ACSL1: variants seen among roughly 807,000 people sequenced by gnomAD.
The protein encoded by ACSL1 is long-chain-fatty-acid--CoA ligase 1.
Under a neutral mutation model 98.4 loss-of-function variants are expected in ACSL1, and 41 were observed. The ratio of observed to expected loss-of-function variants is 0.42; its 90% CI spans 0.32 to 0.54. The LOEUF is 0.54. Ranked by LOEUF, ACSL1 falls within the 20% of genes least tolerant of loss-of-function variation. The probability of loss-of-function intolerance (pLI) is 0.13; values close to 1 mark genes in which losing one functional copy is unlikely to be tolerated. For missense variants in ACSL1, 734 were observed against 883.1 expected (o/e 0.83, Z 2.14); for synonymous variants, 316 against 322.7 (o/e 0.98, Z 0.22).
intron 5 of ACSL1, among the ~76,000 whole-genome samples, chr4:184,779,699 C>T (rs1296671293): frequency 6.6e-6 from 1 of 152,112 alleles, no homozygotes; most frequent in Non-Finnish European, 1.5e-5. Context: ...CTTATTAATG[C>T]CATTTTTCTA....
intron 1 of ACSL1, among the ~76,000 whole-genome samples, chr4:184,811,126 T>C (rs1772022934): frequency 6.6e-6 from 1 of 152,128 alleles, no homozygotes; most frequent in African/African-American, 2.4e-5. Flanking sequence ...TTTTGTTTTT[T>C]GAGACAGAGT....
chr4:184,763,242 G>T lies in ACSL1; in HGVS notation c.1446C>A (p.Ala482=), dbSNP rs759613911. The T allele has an allele frequency of 6.2e-7, 1 of 1,613,960 alleles. No homozygotes were observed. Among genetic ancestry groups the T allele is most frequent in the Admixed American group, 1.7e-5 (1 of 59,984 alleles). The change falls in exon 16 of 21, where the codon GCC becomes GCA. Residue 482 remains alanine, a synonymous_variant. Coordinates refer to ENST00000281455, the MANE Select transcript of ACSL1 (RefSeq NM_001995.5). ...GTTTTATCAAATTGCACGGCATCGG[G>T]GCCCCAACATGGCCTGTATATTAAA... ...PGDWTAGHVG[A]PMPCNLIKLV...
At chr4:184,794,646 G>T (rs1432285595) in intron 2 of ACSL1, among the ~76,000 whole-genome samples, 1 of 152,226 alleles carries the variant, frequency 6.6e-6, no homozygotes, top group Non-Finnish European at 1.5e-5. Context: ...TCAGTCCCAT[G>T]TCCACCACAT....
At chr4:184,812,518 A>G (rs1280211100) in intron 1 of ACSL1, among the ~76,000 whole-genome samples, 1 of 152,124 alleles carries the variant, frequency 6.6e-6, no homozygotes, top group Non-Finnish European at 1.5e-5. Context: ...TGACTGGGGG[A>G]AAAAGAAAAG....
At position 184,755,790 on chromosome 4, in the gene ACSL1, A is replaced by G. The variant is rs1463160995; in HGVS notation, c.*1335T>C. The G allele has an allele frequency of 2.6e-5, 4 of 152,668 alleles. No individual in the cohort carries two copies. Among genetic ancestry groups the G allele is most frequent in the African/African-American group, 9.6e-5 (4 of 41,470 alleles). The allele number at this position is 152,668 out of a possible 1,614,324, so 9.5% of individuals were successfully genotyped here. On this transcript the variant is annotated 3_prime_UTR_variant, in exon 21 of 21. Transcript: ENST00000281455. ...ACCAAGTAGTGTTATTACAATGACA[A>G]TTCTTTAGTGCAAGCCCTGTTGTGC... is the stretch of plus-strand genomic sequence containing the variant.
At position 184,762,422 on chromosome 4, in the gene ACSL1, A is replaced by G; in HGVS notation, c.1623T>C (p.Ile541=). The change falls in exon 17 of 21, where the codon ATT becomes ATC. Residue 541 remains isoleucine (I), a synonymous_variant. Transcript: ENST00000281455. ...GGCAACTTACTGGTAACCATTTTCC[A>G]ATGTCCCCTGTGTGTAACCAGCCGT... is the stretch of plus-strand genomic sequence containing the variant. ...DKDGWLHTGD[I]GKWLPNGTLK... The G allele has an allele frequency of 6.2e-7, 1 of 1,614,176 alleles. No individual in the cohort carries two copies. Among genetic ancestry groups the G allele is most frequent in the South Asian group, 1.1e-5 (1 of 91,086 alleles).
At chr4:184,786,546 A>G (rs1212654182) in intron 3 of ACSL1, among the ~76,000 whole-genome samples, 2 of 152,058 alleles carry the variant, frequency 1.3e-5, no homozygotes, top group African/African-American at 2.4e-5. Flanking sequence ...AACTTTGAGA[A>G]TGTTCATAAA....
At chr4:184,804,666 T>A (rs1208952448) in intron 1 of ACSL1, among the ~76,000 whole-genome samples, 1 of 152,020 alleles carries the variant, frequency 6.6e-6, no homozygotes, top group Non-Finnish European at 1.5e-5. Context: ...TTGGGACATA[T>A]GACCTCCCTT....
Position 184,765,971 on chromosome 4 carries a change from T to C in ACSL1, c.1279A>G (p.Arg427Gly). 1 of 1,613,772 alleles carries C rather than the reference T, an allele frequency of 6.2e-7. No homozygotes were observed. Among genetic ancestry groups the C allele is most frequent in the Non-Finnish European group, 8.5e-7 (1 of 1,179,830 alleles). ...FHKVQSSLGG[R>G]VRLMVTGAAP... ...GCTCCTGTCACCATCAGCCGGACTC[T>C]TCCGCCCAGGCTCGACTTTCAGGGA... is the stretch of plus-strand genomic sequence containing the variant. Residue 427 changes from arginine to glycine, a missense_variant, in exon 14 of 21, where the codon AGA becomes GGA. Arg to Gly is a moderately radical substitution (Grantham distance 125). Coordinates refer to ENST00000281455, the MANE Select transcript of ACSL1 (RefSeq NM_001995.5).
chr4:184,789,327 A>G (rs551876499), intron 2 of ACSL1, among the ~76,000 whole-genome samples: 1 of 152,344 alleles, frequency 6.6e-6, no homozygotes, highest in Non-Finnish European at 1.5e-5. Context: ...ACACATTGAC[A>G]GTTCTCAAGC....
At chr4:184,805,361 C>T in intron 1 of ACSL1, 1 of 537,186 alleles carries the variant, frequency 1.9e-6, no homozygotes, top group Non-Finnish European at 2.4e-6. Flanking sequence ...CTCATTCAAT[C>T]TCTGCTACAA....
chr4:184,779,949 C>A (rs189995873), intron 5 of ACSL1, among the ~76,000 whole-genome samples: 1 of 151,670 alleles, frequency 6.6e-6, no homozygotes, highest in African/African-American at 2.4e-5. Flanking sequence ...CTTGGCTCAC[C>A]GCAACCTCTG....
chr4:184,808,222 G>T, intron 1 of ACSL1: 1 of 774,984 alleles, frequency 1.3e-6, no homozygotes, highest in South Asian at 5.9e-5. Flanking sequence ...TTCTCTTGAA[G>T]ATACACATAC....
intron 1 of ACSL1, among the ~76,000 whole-genome samples, chr4:184,814,659 A>G (rs932535505): frequency 3.9e-5 from 6 of 152,178 alleles, no homozygotes; most frequent in Admixed American, 3.3e-4. Flanking sequence ...GTTTCTCCAG[A>G]TAAAGAAGCT....
intron 1 of ACSL1, among the ~76,000 whole-genome samples, chr4:184,823,432 T>G (rs1199693318): frequency 6.6e-6 from 1 of 152,212 alleles, no homozygotes; most frequent in South Asian, 2.1e-4. Flanking sequence ...ACTTACACAA[T>G]AAATTCAATT....
chr4:184,819,037 G>A (rs890270303), intron 1 of ACSL1, among the ~76,000 whole-genome samples: 3 of 152,090 alleles, frequency 2.0e-5, no homozygotes, highest in Admixed American at 6.6e-5. Flanking sequence ...GGTGAGGAAG[G>A]GGAGAGTCAC....
chr4:184,776,750 C>T, intron 6 of ACSL1, 88 bp from the exon 7 acceptor site: 1 of 1,501,146 alleles, frequency 6.7e-7, no homozygotes, highest in Non-Finnish European at 9.0e-7. Flanking sequence ...ACTTGAAGTA[C>T]TACATTCTTT....
Position 184,803,645 on chromosome 4 carries a change from T to G in ACSL1, c.-32-99A>C, listed in dbSNP as rs1770924750. 2.7e-6 allele frequency: 2 copies of G among 745,194 alleles called. No individual in the cohort carries two copies. The highest frequency in any genetic ancestry group is 3.9e-6 in the Non-Finnish European group (2 of 518,020). 46.2% of individuals were successfully genotyped at this position (745,194 alleles called of 1,614,324 possible). On this transcript the variant is annotated intron_variant, in intron 1 of 20. Coordinates refer to ENST00000281455, the MANE Select transcript of ACSL1 (RefSeq NM_001995.5). The surrounding 1 kb of genome is among the most constrained non-coding windows in gnomAD (Gnocchi z 4.8). ...GCCAGCCATCTAATTGGGTAGCTGC[T>G]CGGCCAGTCCAGGCATTAAACCCAC...
chr4:184,821,649 G>A (rs901008594), intron 1 of ACSL1, among the ~76,000 whole-genome samples: 13 of 152,034 alleles, frequency 8.6e-5, no homozygotes, highest in African/African-American at 2.9e-4. Flanking sequence ...TTTTAAAGAC[G>A]TATTTAAACA....
Sources: gnomAD v4.1 joint callset for allele counts (sites outside exome capture counted in the v4.1 genomes callset) on GRCh38, gnomAD v4.1.1 for gene constraint, Gnocchi (gnomAD v3.1) non-coding constraint, MANE v1.5 for transcripts, NCBI Gene and HGNC (gene_info 2026-07-23, HGNC 2026-07-21) for gene names.